MON1B: variants seen among roughly 807,000 people sequenced by gnomAD.
MON1B encodes vacuolar fusion protein MON1 homolog B.
Under a neutral mutation model 45.1 loss-of-function variants are expected in MON1B, and 26 were observed. That is an observed-to-expected ratio of 0.58 (90% confidence interval 0.42 to 0.80). The LOEUF (loss-of-function observed/expected upper bound fraction) is 0.80. Ranked by LOEUF, MON1B falls within the 30% of genes least tolerant of loss-of-function variation. The probability of loss-of-function intolerance (pLI) is 0.00; values close to 1 mark genes in which losing one functional copy is unlikely to be tolerated. For missense variants in MON1B, 737 were observed against 754.5 expected, an observed-to-expected ratio of 0.98 and a Z score of 0.27; for synonymous variants, 395 against 320.2, an observed-to-expected ratio of 1.23 and a Z score of -2.49.
In MON1B at chr16:77,200,248, G is replaced by GTGTGTATATATATA. The variant is rs1567422956; in HGVS notation, c.*1941_*1942insGTGTATATATATAT. 2 of 88,990 alleles carry GTGTGTATATATATA rather than the reference G, an allele frequency of 2.2e-5. No homozygotes were observed. The highest frequency in any genetic ancestry group is 1.0e-4 in the African/African-American group (2 of 19,314). 5.5% of individuals were successfully genotyped at this position (88,990 alleles called of 1,614,324 possible). ...TATGTGTGTGTATATATATATATAT[G>GTGTGTATATATATA]TATATGTGTATATATATATATATGT... On this transcript the variant is annotated 3_prime_UTR_variant, in exon 6 of 6. Coordinates refer to ENST00000248248, the MANE Select transcript of MON1B (RefSeq NM_014940.4).
chr16:77,195,140 G>A lies in MON1B; in HGVS notation c.1281G>A (p.Leu427=). Residue 427 remains leucine, a synonymous_variant, in exon 4 of 6, where the codon CTG becomes CTA. Transcript: ENST00000248248. Reference sequence around the variant, plus strand: ...ACATCCCTGACCACCACCGCCAACTGCCCCAGTTTACCAGGTAGGCCCTGA... The same window carrying A: ...ACATCCCTGACCACCACCGCCAACTACCCCAGTTTACCAGGTAGGCCCTGA... ...PLDIPDHHRQ[L]PQFTSPELEA... The A allele has an allele frequency of 6.3e-7, 1 of 1,594,344 alleles. No individual in the cohort carries two copies. Among genetic ancestry groups the A allele is most frequent in the South Asian group, 1.1e-5 (1 of 90,188 alleles).
At position 77,200,274 on chromosome 16, in the gene MON1B, G is replaced by GTATATATATATATATATA. The variant is rs1229854135; in HGVS notation, c.*1967_*1984dup. On this transcript the variant is annotated 3_prime_UTR_variant, in exon 6 of 6. Transcript: ENST00000248248. The stretch of plus-strand genomic sequence containing the variant: ...TATATGTGTATATATATATATATGT[G>GTATATATATATATATATA]TATATATATATATATATACACACAC... 2.0e-4 allele frequency: 23 copies of GTATATATATATATATATA among 113,556 alleles called. No individual in the cohort carries two copies. Among genetic ancestry groups the GTATATATATATATATATA allele is most frequent in the African/African-American group, 6.7e-4 (19 of 28,564 alleles). 7.0% of individuals were successfully genotyped at this position (113,556 alleles called of 1,614,324 possible).
Position 77,194,747 on chromosome 16 carries a change from G to A in MON1B, c.888G>A (p.Glu296=). Residue 296 remains glutamate (E), a synonymous_variant, in exon 4 of 6, where the codon GAG becomes GAA. Transcript: ENST00000248248. This position sits in a 1 kb window ranked among gnomAD's most constrained non-coding sequence, Gnocchi z 8.1. ...CCCAGGAGCGAAATGTGCTGGCCGAGTGCCGGCTGGACCCAGCTGACCTGC... is the reference window on the plus strand; with the variant it reads ...CCCAGGAGCGAAATGTGCTGGCCGAATGCCGGCTGGACCCAGCTGACCTGC... ...TAAQERNVLA[E]CRLDPADLQL... is the part of the protein sequence containing the mutation. 1 of 1,613,826 alleles carries A rather than the reference G, an allele frequency of 6.2e-7. No individual in the cohort carries two copies. Among genetic ancestry groups the A allele is most frequent in the Middle Eastern group, 1.7e-4 (1 of 6,058 alleles).
intron 5 of MON1B, 79 bp downstream of exon 5, chr16:77,195,761 A>G: frequency 6.5e-7 from 1 of 1,539,750 alleles, no homozygotes; most frequent in Non-Finnish European, 8.9e-7. Flanking sequence ...CTCCAGCCAC[A>G]GTGCCTCCAC....
chr16:77,200,767 A>G lies in MON1B; in HGVS notation c.*2459A>G, dbSNP rs1333305976. ...TGAGCAAAAAAAAAAAAAAAAAAAG[A>G]AAAAACAAAAAGAAAAAAATCTCCC... On this transcript the variant is annotated 3_prime_UTR_variant, in exon 6 of 6. Coordinates refer to ENST00000248248, the MANE Select transcript of MON1B (RefSeq NM_014940.4). 4 of 64,186 alleles carry G rather than the reference A, an allele frequency of 6.2e-5. No individual in the cohort carries two copies. Among genetic ancestry groups the G allele is most frequent in the Non-Finnish European group, 1.8e-4 (4 of 22,256 alleles). 4.0% of individuals were successfully genotyped at this position (64,186 alleles called of 1,614,324 possible). A position where few individuals can be genotyped will look rare whatever the true frequency, so the allele number is the denominator to read the frequency against.
At chr16:77,195,803 C>A in intron 5 of MON1B, 121 bp downstream of exon 5, 1 of 1,230,492 alleles carries the variant, frequency 8.1e-7, no homozygotes. Flanking sequence ...TGGGCTGTGC[C>A]TTGCCTGCAA....
At position 77,194,467 on chromosome 16, in the gene MON1B, G is replaced by T; in HGVS notation, c.608G>T (p.Arg203Leu). 1.2e-6 allele frequency: 2 copies of T among 1,614,072 alleles called. No homozygotes were observed. The highest frequency in any genetic ancestry group is 1.7e-6 in the Non-Finnish European group (2 of 1,180,002). The change falls in exon 4 of 6, where the codon CGT becomes CTT. Residue 203 changes from arginine to leucine, a missense_variant. Physicochemically the swap from Arg to Leu is moderately radical, Grantham distance 102. Coordinates refer to ENST00000248248, the MANE Select transcript of MON1B (RefSeq NM_014940.4). The surrounding 1 kb of genome is among the most constrained non-coding windows in gnomAD (Gnocchi z 8.1). Reference sequence around the variant, plus strand: ...GCACAGATCGTGAGCACACTTACACGTGCAAGTGTCGCCCGCATCTTCGCA... The same window carrying T: ...GCACAGATCGTGAGCACACTTACACTTGCAAGTGTCGCCCGCATCTTCGCA... Reference protein sequence around the residue: ...VHAQIVSTLTRASVARIFAHK... With the variant: ...VHAQIVSTLTLASVARIFAHK...
In MON1B at chr16:77,199,978, A is replaced by G. The variant is rs1160608411; in HGVS notation, c.*1670A>G. 1 of 150,746 alleles carries G rather than the reference A, an allele frequency of 6.6e-6. No homozygotes were observed. Among genetic ancestry groups the G allele is most frequent in the African/African-American group, 2.4e-5 (1 of 40,884 alleles). 9.3% of individuals were successfully genotyped at this position (150,746 alleles called of 1,614,324 possible). On this transcript the variant is annotated 3_prime_UTR_variant, in exon 6 of 6. Transcript: ENST00000248248. ...AGGGTATTGACTTGAATGACAGGCAAAGGAGGGTGGAGGGGTGTCGGCCTA... is the reference window on the plus strand; with the variant it reads ...AGGGTATTGACTTGAATGACAGGCAGAGGAGGGTGGAGGGGTGTCGGCCTA...
rs766975346 is a variant in MON1B, at chr16:77,193,604, G to A, written c.302G>A (p.Ser101Asn). 8.1e-6 allele frequency: 13 copies of A among 1,614,020 alleles called. No individual in the cohort carries two copies. The highest frequency in any genetic ancestry group is 1.0e-5 in the Non-Finnish European group (12 of 1,179,994). ...SSSGGQGGDP[S>N]DEEWRSQRKH... Reference sequence around the variant, plus strand: ...TCTGGAGGCCAGGGCGGGGACCCCAGTGATGAGGAGTGGCGCAGCCAGCGG... The same window carrying A: ...TCTGGAGGCCAGGGCGGGGACCCCAATGATGAGGAGTGGCGCAGCCAGCGG... Residue 101 changes from serine to asparagine, a missense_variant, in exon 3 of 6, where the codon AGT (serine) becomes AAT (asparagine). Coordinates refer to ENST00000248248, the MANE Select transcript of MON1B (RefSeq NM_014940.4). The surrounding 1 kb of genome is among the most constrained non-coding windows in gnomAD (Gnocchi z 5.0).
chr16:77,197,942 A>G (rs1432560065), intron 5 of MON1B, among the ~76,000 whole-genome samples, 166 bp from the exon 6 acceptor site: 4 of 152,126 alleles, frequency 2.6e-5, no homozygotes, highest in Non-Finnish European at 5.9e-5. Context: ...ATTGCACAAT[A>G]TCAGCTTACC....
chr16:77,193,835 G>A lies in MON1B; in HGVS notation c.475+58G>A, dbSNP rs1240177251. The stretch of plus-strand genomic sequence containing the variant: ...CAGTGACTGGGAATATGGCTGGCAC[G>A]GGTAGGTCTGTCTGCCTCAGGCACT... On this transcript the variant is annotated intron_variant, in intron 3 of 5. Transcript: ENST00000248248. The surrounding 1 kb of genome is among the most constrained non-coding windows in gnomAD (Gnocchi z 5.0). 2.8e-5 allele frequency: 43 copies of A among 1,525,674 alleles called. No individual in the cohort carries two copies. Among genetic ancestry groups the A allele is most frequent in the Middle Eastern group, 2.3e-4 (1 of 4,390 alleles). The allele number at this position is 1,525,674 out of a possible 1,614,324, so 94.5% of individuals were successfully genotyped here. A position where few individuals can be genotyped will look rare whatever the true frequency, so the allele number is the denominator to read the frequency against.
rs1342674159 is a variant in MON1B, at chr16:77,199,487, G to A, written c.*1179G>A. ...AGCTGAAACCTCTGAATGTGGAGGC[G>A]CCAGAAGCTACTGAGGAGGCTGAAG... On this transcript the variant is annotated 3_prime_UTR_variant, in exon 6 of 6. Coordinates refer to ENST00000248248, the MANE Select transcript of MON1B (RefSeq NM_014940.4). The A allele has an allele frequency of 6.4e-7, 1 of 1,551,436 alleles. No individual in the cohort carries two copies. The highest frequency in any genetic ancestry group is 8.7e-7 in the Non-Finnish European group (1 of 1,146,942).
chr16:77,200,291 T>TATATATATATATACAC lies in MON1B; in HGVS notation c.*1984_*1985insTATATATATATACACA. On this transcript the variant is annotated 3_prime_UTR_variant, in exon 6 of 6. Coordinates refer to ENST00000248248, the MANE Select transcript of MON1B (RefSeq NM_014940.4). ...ATATATGTGTATATATATATATATA[T>TATATATATATATACAC]ACACACACTAATCAGCCGGGCGCGG... 2.0e-4 allele frequency: 22 copies of TATATATATATATACAC among 111,436 alleles called. 1 individual carries two copies. The highest frequency in any genetic ancestry group is 6.7e-4 in the African/African-American group (20 of 29,776). 6.9% of individuals were successfully genotyped at this position (111,436 alleles called of 1,614,324 possible). A position where few individuals can be genotyped will look rare whatever the true frequency, so the allele number is the denominator to read the frequency against.
At chr16:77,195,746 A>G (rs1004152603) in intron 5 of MON1B, 64 bp downstream of exon 5, 2 of 1,579,288 alleles carry the variant, frequency 1.3e-6, no homozygotes, top group Non-Finnish European at 1.7e-6. Flanking sequence ...CCTATATTGT[A>G]TCCCCTCCAG....
chr16:77,198,229 G>C lies in MON1B; in HGVS notation c.1565G>C (p.Arg522Pro). 6.2e-7 allele frequency: 1 copy of C among 1,614,116 alleles called. No individual in the cohort carries two copies. Among genetic ancestry groups the C allele is most frequent in the Non-Finnish European group, 8.5e-7 (1 of 1,180,018 alleles). ...AAAGAGGAGGACCGGCTCTTCATTC[G>C]TTACCCACCCAAGTACTCCACACCA... ...VKKEEDRLFI[R>P]YPPKYSTPPA... The change falls in exon 6 of 6, where the codon CGT becomes CCT. Residue 522 changes from arginine to proline, a missense_variant. By Grantham distance (103) the Arg-to-Pro change is moderately radical. Transcript: ENST00000248248.
At chr16:77,192,614 A>G (rs2054625539) in intron 2 of MON1B, among the ~76,000 whole-genome samples, 1 of 152,092 alleles carries the variant, frequency 6.6e-6, no homozygotes, top group Admixed American at 6.6e-5. Flanking sequence ...GTGGATACCA[A>G]TGAGATTGAA....
In MON1B at chr16:77,193,645, C is replaced by T; in HGVS notation, c.343C>T (p.Leu115=). Residue 115 remains leucine, a synonymous_variant, in exon 3 of 6, where the codon CTG becomes TTG. Transcript: ENST00000248248. This position sits in a 1 kb window ranked among gnomAD's most constrained non-coding sequence, Gnocchi z 5.0. The part of the protein sequence containing the change: ...WRSQRKHVFV[L]SEAGKPIYSR... ...CAGCCAGCGGAAGCATGTGTTTGTG[C>T]TGAGTGAGGCTGGCAAGCCCATCTA... is the stretch of plus-strand genomic sequence containing the variant. The T allele has an allele frequency of 6.2e-7, 1 of 1,614,116 alleles. No homozygotes were observed. The highest frequency in any genetic ancestry group is 8.5e-7 in the Non-Finnish European group (1 of 1,179,988).
At chr16:77,191,443 C>G (rs752001296) in intron 1 of MON1B, 33 bp from the exon 2 acceptor site, 3 of 1,577,726 alleles carry the variant, frequency 1.9e-6, no homozygotes, top group East Asian at 4.5e-5. Context: ...GTTTCTTTCA[C>G]CGCCCGTCAC....
rs764421712 is a variant in MON1B at position 77,194,957 on chromosome 16, C to T, written c.1098C>T (p.Cys366=). Residue 366 remains cysteine (C), a synonymous_variant, in exon 4 of 6, where the codon TGC becomes TGT. Transcript: ENST00000248248. The surrounding 1 kb of genome is among the most constrained non-coding windows in gnomAD (Gnocchi z 8.1). ...QREAFHAMAA[C]RRLVEDGMHA... The stretch of plus-strand genomic sequence containing the variant: ...AAGCCTTCCATGCCATGGCCGCCTG[C>T]CGGCGCCTGGTTGAAGATGGGATGC... 2.5e-6 allele frequency: 4 copies of T among 1,613,858 alleles called. No individual in the cohort carries two copies. Among genetic ancestry groups the T allele is most frequent in the Non-Finnish European group, 3.4e-6 (4 of 1,179,988 alleles).
Sources: gnomAD v4.1 joint callset for allele counts (sites outside exome capture counted in the v4.1 genomes callset) on GRCh38, gnomAD v4.1.1 for gene constraint, Gnocchi (gnomAD v3.1) non-coding constraint, MANE v1.5 for transcripts, NCBI Gene and HGNC (gene_info 2026-07-23, HGNC 2026-07-21) for gene names.